Variants in DLGAP2 observed in about 807,000 individuals in gnomAD.
DLGAP2 encodes DLG associated protein 2.
DLGAP2 carries 26 observed loss-of-function variants against 100.3 expected under a neutral mutation model. The ratio of observed to expected loss-of-function variants is 0.26; its 90% CI spans 0.19 to 0.36. The LOEUF (loss-of-function observed/expected upper bound fraction) is 0.36, where lower values mean the gene tolerates loss of function less well. Among genes scored for constraint, DLGAP2 ranks in the 10% least tolerant of loss-of-function variants. The pLI is 1.00. For synonymous variants in DLGAP2, 886 were observed against 630.1 expected (o/e 1.41, Z -6.08); for missense variants, 1,858 against 1,453.2 (o/e 1.28, Z -4.53).
intron 5 of DLGAP2, among the ~76,000 whole-genome samples, chr8:1,561,747 G>T (rs146127773): frequency 7.8e-6 from 1 of 128,560 alleles, no homozygotes; most frequent in Non-Finnish European, 1.6e-5. Flanking sequence ...CTGGGGGACT[G>T]TGTGGTGTTG....
At chr8:842,010 A>G (rs1337086815) in intron 1 of DLGAP2, among the ~76,000 whole-genome samples, 2 of 152,180 alleles carry the variant, frequency 1.3e-5, no homozygotes, top group Admixed American at 1.3e-4. Context: ...GTGACTACGG[A>G]AGACACCAAG....
chr8:1,185,627 G>T (rs1361855470), intron 2 of DLGAP2, among the ~76,000 whole-genome samples: 1 of 151,768 alleles, frequency 6.6e-6, no homozygotes, highest in Non-Finnish European at 1.5e-5. Context: ...AATGTAAAAA[G>T]GACCACACAA....
intron 2 of DLGAP2, among the ~76,000 whole-genome samples, chr8:915,829 C>G (rs1216745079): frequency 6.7e-6 from 1 of 148,254 alleles, no homozygotes; most frequent in African/African-American, 2.5e-5. Context: ...ACTCTCCCCA[C>G]TCTCTTTTTT....
At chr8:1,254,354 T>A (rs1799122632) in intron 2 of DLGAP2, among the ~76,000 whole-genome samples, 1 of 152,032 alleles carries the variant, frequency 6.6e-6, no homozygotes. Context: ...GAGGCCAGAG[T>A]GGATCCCACA....
At position 881,492 on chromosome 8, in the gene DLGAP2, CTCTCT is replaced by C. The variant is rs1236166628; in HGVS notation, c.19-26418_19-26414del. On this transcript the variant is annotated intron_variant, in intron 1 of 14. Transcript: ENST00000637795. ...TCTCATCCTCTCCTTACCATTTCATCTCTCTTTTTTTTTTTTTTTTTTTTTGAGAT... is the reference window on the plus strand; with the variant it reads ...TCTCATCCTCTCCTTACCATTTCATCTTTTTTTTTTTTTTTTTTTTGAGAT... 3.0e-4 allele frequency among the ~76,000 whole-genome samples: 38 copies of C among 128,138 alleles called. 2 individuals are homozygous for C. The highest frequency in any genetic ancestry group is 7.8e-4 in the African/African-American group (26 of 33,502). The allele number at this position is 128,138 out of a possible 152,430, so 84.1% of individuals were successfully genotyped here.
chr8:863,084 G>T (rs932188583), intron 1 of DLGAP2, among the ~76,000 whole-genome samples: 1 of 152,162 alleles, frequency 6.6e-6, no homozygotes, highest in African/African-American at 2.4e-5. Context: ...ATGCATGCAC[G>T]ATTCCGTTGG....
rs1446388895 is a variant in DLGAP2, at chr8:1,285,344, A to G, written c.106+26461A>G. ...TTTATTTTTTTAATAATGTCTTTTG[A>G]TTTATTTTTCTCAAAAAGCTCAGTC... On this transcript the variant is annotated intron_variant, in intron 3 of 14. Transcript: ENST00000637795. 2.0e-5 allele frequency among the ~76,000 whole-genome samples: 3 copies of G among 152,138 alleles called. No homozygotes were observed. In the East Asian group the frequency reaches 5.8e-4, roughly 29 times the overall value.
At chr8:1,033,389 G>A (rs572082272) in intron 2 of DLGAP2, among the ~76,000 whole-genome samples, 2 of 152,332 alleles carry the variant, frequency 1.3e-5, no homozygotes, top group African/African-American at 4.8e-5. Context: ...GGGGGTTGGG[G>A]GTGGTGGTGG....
At chr8:817,830 G>A (rs1324381183) in intron 1 of DLGAP2, among the ~76,000 whole-genome samples, 1 of 152,214 alleles carries the variant, frequency 6.6e-6, no homozygotes, top group Non-Finnish European at 1.5e-5. Flanking sequence ...TTAAAGTCTT[G>A]CAGATGTGGA....
At chr8:1,507,962 C>T (rs1362608064) in intron 4 of DLGAP2, among the ~76,000 whole-genome samples, 1 of 150,452 alleles carries the variant, frequency 6.6e-6, no homozygotes, top group African/African-American at 2.5e-5. Flanking sequence ...TGACATCAAA[C>T]ACGTGGTCAC....
At chr8:965,846 GCGGCTCCAGAGCCCGACCCCC>G (rs1799857027) in intron 2 of DLGAP2, among the ~76,000 whole-genome samples, 32 of 142,768 alleles carry the variant, frequency 2.2e-4, no homozygotes, top group Non-Finnish European at 4.5e-4. Context: ...CATCACACAC[GCGGCTCCAGAGCCCGACCCCC>G]GCATGCACAC....
intron 3 of DLGAP2, among the ~76,000 whole-genome samples, chr8:1,372,215 TGGGACGCTGGTCACCGTGGTGCCAAC>T (rs1346273102): frequency 2.7e-4 from 24 of 88,082 alleles, no homozygotes; most frequent in African/African-American, 9.2e-4. Flanking sequence ...CTGCCAACGC[TGGGACGCTGGTCACCGTGGTGCCAAC>T]GCTGGGACGC....
intron 3 of DLGAP2, among the ~76,000 whole-genome samples, chr8:1,352,924 C>A (rs1019477452): frequency 1.3e-5 from 2 of 152,162 alleles, no homozygotes; most frequent in Admixed American, 6.5e-5. Context: ...CCAGCTCAGC[C>A]TGCCATTGGG....
Position 946,859 on chromosome 8 carries a change from C to T in DLGAP2, c.73+38893C>T, listed in dbSNP as rs552907488. ...AGCACAGCAGCTCCCCCGTCCCTGA[C>T]GGTGGCTGCCAGCAGCCTTCGTAGC... On this transcript the variant is annotated intron_variant, in intron 2 of 14. Transcript: ENST00000637795. 1.0e-3 allele frequency among the ~76,000 whole-genome samples: 153 copies of T among 152,302 alleles called. No individual in the cohort carries two copies. In the South Asian group the frequency reaches 0.012, roughly 12 times the overall value.
intron 2 of DLGAP2, among the ~76,000 whole-genome samples, chr8:970,072 A>G (rs1799976302): frequency 6.6e-6 from 1 of 151,926 alleles, no homozygotes; most frequent in African/African-American, 2.4e-5. Context: ...ATATATCTTC[A>G]TTTTTTTCAT....
At chr8:1,326,735 TTTC>T (rs761046071) in intron 3 of DLGAP2, among the ~76,000 whole-genome samples, 3 of 152,256 alleles carry the variant, frequency 2.0e-5, no homozygotes, top group Non-Finnish European at 4.4e-5. Context: ...TGAACCTTAG[TTTC>T]TTCTTCCTGT....
intron 2 of DLGAP2, among the ~76,000 whole-genome samples, chr8:1,180,543 C>G (rs1797360430): frequency 6.8e-6 from 1 of 147,938 alleles, no homozygotes; most frequent in African/African-American, 2.7e-5. Context: ...TAATTTCACA[C>G]AAGAACCAGT....
chr8:1,211,533 A>G (rs145934135), intron 2 of DLGAP2, among the ~76,000 whole-genome samples: 1 of 152,372 alleles, frequency 6.6e-6, no homozygotes, highest in Admixed American at 6.5e-5. Flanking sequence ...GTAAACATGT[A>G]AACAGCTTAT....
intron 3 of DLGAP2, among the ~76,000 whole-genome samples, chr8:1,423,908 C>A (rs1437279622): frequency 6.6e-6 from 1 of 152,226 alleles, no homozygotes; most frequent in Admixed American, 6.5e-5. Context: ...AAATATCCCA[C>A]GTTCAGAAGA....
Sources: gnomAD v4.1 joint callset for allele counts (sites outside exome capture counted in the v4.1 genomes callset) on GRCh38, gnomAD v4.1.1 for gene constraint, MANE v1.5 for transcripts, NCBI Gene and HGNC (gene_info 2026-07-23, HGNC 2026-07-21) for gene names.